PCDHGA3: variants seen among roughly 807,000 people sequenced by gnomAD.
PCDHGA3 encodes the protein protocadherin gamma subfamily A, 3.
Under a neutral mutation model 58.5 loss-of-function variants are expected in PCDHGA3, and 40 were observed. The observed-to-expected ratio is 0.68, with a 90% confidence interval of 0.53 to 0.89. The LOEUF (loss-of-function observed/expected upper bound fraction) is 0.89. Ranked by LOEUF, PCDHGA3 falls within the 40% of genes least tolerant of loss-of-function variation. PCDHGA3 has a pLI of 0.00. For synonymous variants in PCDHGA3, 530 were observed against 525.7 expected (o/e 1.01, Z -0.11); for missense variants, 1,223 against 1,195.9 (o/e 1.02, Z -0.33).
intron 1 of PCDHGA3, among the ~76,000 whole-genome samples, chr5:141,380,858 G>A (rs1193255513): frequency 6.6e-6 from 1 of 152,216 alleles, no homozygotes; most frequent in Non-Finnish European, 1.5e-5. Flanking sequence ...AAGACATTGA[G>A]AGCTATAACC....
chr5:141,356,033 C>A (rs766818568), intron 1 of PCDHGA3: 1 of 1,613,946 alleles, frequency 6.2e-7, no homozygotes, highest in Non-Finnish European at 8.5e-7. Context: ...GGAGACGTGA[C>A]GTATTCTTTC....
Position 141,491,509 on chromosome 5 carries a change from C to T in PCDHGA3, c.2425-3298C>T. 6.2e-7 allele frequency: 1 copy of T among 1,614,058 alleles called. No individual in the cohort carries two copies. Among genetic ancestry groups the T allele is most frequent in the Non-Finnish European group, 8.5e-7 (1 of 1,180,022 alleles). On this transcript the variant is annotated intron_variant, in intron 1 of 3. Coordinates refer to ENST00000253812, the MANE Select transcript of PCDHGA3 (RefSeq NM_018916.4). The surrounding 1 kb of genome is among the most constrained non-coding windows in gnomAD (Gnocchi z 6.9). Reference sequence around the variant, plus strand: ...CCTGCAGGTGAGCTCGGACGGCACGCTCAAGTACATGGAGGTGACGCTGCG... The same window carrying T: ...CCTGCAGGTGAGCTCGGACGGCACGTTCAAGTACATGGAGGTGACGCTGCG...
At chr5:141,383,621 T>C (rs1392247611) in intron 1 of PCDHGA3, 1 of 1,613,762 alleles carries the variant, frequency 6.2e-7, no homozygotes, top group Admixed American at 1.7e-5. Flanking sequence ...CACACGCCTG[T>C]CTTCTCTCTG....
chr5:141,454,796 A>ATTTTTTTT (rs61612330), intron 1 of PCDHGA3, among the ~76,000 whole-genome samples: 1,488 of 77,444 alleles, frequency 0.019, 251 homozygotes, highest in African/African-American at 0.042. Flanking sequence ...CATGGTTCTA[A>ATTTTTTTT]TTTTTTTTTT....
At chr5:141,421,173 C>A in intron 1 of PCDHGA3, 2 of 1,377,172 alleles carry the variant, frequency 1.5e-6, no homozygotes, top group Non-Finnish European at 9.7e-7. Context: ...GATACATAAG[C>A]CGATTCACAA....
At position 141,511,397 on chromosome 5, in the gene PCDHGA3, C is replaced by A; in HGVS notation, c.*224C>A. ...AGCAGTTCCGCTGGGAACCCCCATC[C>A]AATCAACTGCTGTACCCATGGGGGT... On this transcript the variant is annotated 3_prime_UTR_variant, in exon 4 of 4. Coordinates refer to ENST00000253812, the MANE Select transcript of PCDHGA3 (RefSeq NM_018916.4). 1.0e-6 allele frequency: 1 copy of A among 1,002,376 alleles called. No individual in the cohort carries two copies. The highest frequency in any genetic ancestry group is 1.4e-6 in the Non-Finnish European group (1 of 705,546). 62.1% of individuals were successfully genotyped at this position (1,002,376 alleles called of 1,614,324 possible). A position where few individuals can be genotyped will look rare whatever the true frequency, so the allele number is the denominator to read the frequency against.
chr5:141,475,921 A>T, intron 1 of PCDHGA3: 1 of 604,938 alleles, frequency 1.7e-6, no homozygotes, highest in Non-Finnish European at 2.8e-6. Flanking sequence ...AAGACGCTGG[A>T]GATCGGGCCC....
chr5:141,351,813 A>G (rs757501743), intron 1 of PCDHGA3: 1 of 1,613,236 alleles, frequency 6.2e-7, no homozygotes, highest in Non-Finnish European at 8.5e-7. Context: ...GCCTTCGACC[A>G]CGAGCAGCTG....
chr5:141,404,214 C>A, intron 1 of PCDHGA3: 1 of 1,613,562 alleles, frequency 6.2e-7, no homozygotes, highest in Non-Finnish European at 8.5e-7. Flanking sequence ...TATAATATCA[C>A]GGTGACTGCA....
intron 2 of PCDHGA3, among the ~76,000 whole-genome samples, chr5:141,502,109 C>G (rs2099812899): frequency 1.3e-5 from 2 of 152,182 alleles, no homozygotes; most frequent in Admixed American, 1.3e-4. Flanking sequence ...ACCCTGCACC[C>G]TCAGCCAGGC....
rs139344941 is a variant in PCDHGA3, at chr5:141,480,950, C to T, written c.2425-13857C>T. Among the ~76,000 whole-genome samples the T allele has an allele frequency of 6.7e-3, 1,016 of 152,086 alleles. 11 individuals carry two copies. Among genetic ancestry groups the T allele is most frequent in the African/African-American group, 0.023 (953 of 41,456 alleles). On this transcript the variant is annotated intron_variant, in intron 1 of 3. Transcript: ENST00000253812. ...GTCCCAGCTACTCTAGAGGCTGAGG[C>T]GGAAGCATCAGTGAGGGAGAATCAG...
chr5:141,388,334 A>G (rs2091318945), intron 1 of PCDHGA3: 2 of 1,613,972 alleles, frequency 1.2e-6, no homozygotes, highest in South Asian at 1.1e-5. Flanking sequence ...AGCCTGGCAC[A>G]CGATTTATAT....
At chr5:141,385,921 T>C (rs1283836532) in intron 1 of PCDHGA3, 1 of 152,286 alleles carries the variant, frequency 6.6e-6, no homozygotes. Context: ...CTAAGATCTA[T>C]ATCAAAGACA....
At position 141,419,994 on chromosome 5, in the gene PCDHGA3, C is replaced by T. The variant is rs757658202; in HGVS notation, c.2424+73537C>T. 1.9e-6 allele frequency: 3 copies of T among 1,614,072 alleles called. No homozygotes were observed. Among genetic ancestry groups the T allele is most frequent in the East Asian group, 4.5e-5 (2 of 44,884 alleles). ...CTCCTCGCGGTGATTCTAGCTATTG[C>T]TCTACGCCTGCGACAGTCTTTCAGC... On this transcript the variant is annotated intron_variant, in intron 1 of 3. Coordinates refer to ENST00000253812, the MANE Select transcript of PCDHGA3 (RefSeq NM_018916.4).
chr5:141,491,409 G>C lies in PCDHGA3; in HGVS notation c.2425-3398G>C, dbSNP rs2099711927. 6.2e-7 allele frequency: 1 copy of C among 1,614,000 alleles called. No homozygotes were observed. Among genetic ancestry groups the C allele is most frequent in the Non-Finnish European group, 8.5e-7 (1 of 1,180,022 alleles). The stretch of plus-strand genomic sequence containing the variant: ...AGTGCCTTCAGGGAAACGCAGACGG[G>C]GACGGGGGTGGAGGGCAGTGCTGCA... On this transcript the variant is annotated intron_variant, in intron 1 of 3. Coordinates refer to ENST00000253812, the MANE Select transcript of PCDHGA3 (RefSeq NM_018916.4). This position sits in a 1 kb window ranked among gnomAD's most constrained non-coding sequence, Gnocchi z 6.9.
chr5:141,489,208 C>A lies in PCDHGA3; in HGVS notation c.2425-5599C>A. On this transcript the variant is annotated intron_variant, in intron 1 of 3. Coordinates refer to ENST00000253812, the MANE Select transcript of PCDHGA3 (RefSeq NM_018916.4). The surrounding 1 kb of genome is among the most constrained non-coding windows in gnomAD (Gnocchi z 4.5). The stretch of plus-strand genomic sequence containing the variant: ...GGTCTACCTTGGAGACAGGACAGCA[C>A]AGACTTACTCTCCACAAAGGGACTT... 1 of 1,451,152 alleles carries A rather than the reference C, an allele frequency of 6.9e-7. No individual in the cohort carries two copies. The highest frequency in any genetic ancestry group is 9.3e-7 in the Non-Finnish European group (1 of 1,072,112). 89.9% of individuals were successfully genotyped at this position (1,451,152 alleles called of 1,614,324 possible).
chr5:141,375,706 T>A lies in PCDHGA3; in HGVS notation c.2424+29249T>A, dbSNP rs1771783904. 12 of 1,614,114 alleles carry A rather than the reference T, an allele frequency of 7.4e-6. No individual in the cohort carries two copies. The East Asian group carries it at 2.2e-4, about 30-fold the overall frequency. On this transcript the variant is annotated intron_variant, in intron 1 of 3. Coordinates refer to ENST00000253812, the MANE Select transcript of PCDHGA3 (RefSeq NM_018916.4). ...CAGCCAGCGACAGCGGGGACCCGCCTCTTAGCAGCAACGTGTCACTGAGCC... is the reference window on the plus strand; with the variant it reads ...CAGCCAGCGACAGCGGGGACCCGCCACTTAGCAGCAACGTGTCACTGAGCC...
intron 1 of PCDHGA3, chr5:141,415,029 G>C (rs777967290): frequency 6.2e-7 from 1 of 1,613,552 alleles, no homozygotes; most frequent in South Asian, 1.1e-5. Flanking sequence ...CCAGCGAGCC[G>C]GGACTCTTCG....
Position 141,491,739 on chromosome 5 carries a change from C to T in PCDHGA3, c.2425-3068C>T. ...CGCCGCCCCGGGCGACCCCTGGGGG[C>T]GGCACTGGAGAAGCCGCCCGTCCTC... On this transcript the variant is annotated intron_variant, in intron 1 of 3. Transcript: ENST00000253812. This position sits in a 1 kb window ranked among gnomAD's most constrained non-coding sequence, Gnocchi z 6.9. The T allele has an allele frequency of 1.3e-6, 2 of 1,599,004 alleles. No individual in the cohort carries two copies. Among genetic ancestry groups the T allele is most frequent in the East Asian group, 2.3e-5 (1 of 44,194 alleles).
Sources: allele counts gnomAD v4.1 joint callset (sites outside exome capture counted in the v4.1 genomes callset), GRCh38; gene constraint gnomAD v4.1.1; non-coding constraint Gnocchi (gnomAD v3.1); transcripts MANE v1.5; gene names NCBI Gene and HGNC (gene_info 2026-07-23, HGNC 2026-07-21).